Variants in NELFE observed in about 807,000 individuals in gnomAD.
NELFE encodes negative elongation factor complex member E, also known as negative elongation factor E.
A neutral mutation model predicts 55.5 loss-of-function variants in NELFE; 26 were observed. The ratio of observed to expected loss-of-function variants is 0.47; its 90% CI spans 0.34 to 0.65. The LOEUF is 0.65. Among genes scored for constraint, NELFE ranks in the 30% least tolerant of loss-of-function variants. NELFE has a pLI of 0.01. For synonymous variants in NELFE, 162 were observed against 178.0 expected (o/e 0.91, Z 0.72); for missense variants, 403 against 506.9 (o/e 0.80, Z 1.97).
rs1170914296 is a variant in NELFE at position 31,953,733 on chromosome 6, G to A, written c.1041C>T (p.Ser347=). 3 of 1,612,120 alleles carry A rather than the reference G, an allele frequency of 1.9e-6. No homozygotes were observed. The highest frequency in any genetic ancestry group is 2.5e-6 in the Non-Finnish European group (3 of 1,179,330). ...DAATGKSVWG[S]LAVQNSPKGC... is the part of the protein sequence containing the mutation. ...AAGGAAGAATCCCATTCTTACCGAG[G>A]GAGCCCCAGACAGACTTGCCAGTAG... Residue 347 remains serine, a synonymous_variant, in exon 10 of 11, where the codon TCC becomes TCT. Transcript: ENST00000375429.
chr6:31,958,821 A>C, intron 1 of NELFE, 71 bp downstream of exon 1: 1 of 662,644 alleles, frequency 1.5e-6, no homozygotes, highest in Non-Finnish European at 2.7e-6. Context: ...CCCGCAGAGC[A>C]ACGCAAAGAG....
intron 4 of NELFE, 123 bp from the exon 5 acceptor site, chr6:31,955,416 A>C: frequency 3.4e-6 from 2 of 594,812 alleles, no homozygotes; most frequent in Non-Finnish European, 5.6e-6. Context: ...TTTTAATTCT[A>C]CATACATTTC....
At chr6:31,953,644 C>T (rs891638186) in intron 10 of NELFE, 85 bp downstream of exon 10, 1 of 1,168,682 alleles carries the variant, frequency 8.6e-7, no homozygotes, top group Non-Finnish European at 1.3e-6. Context: ...CCTCGATCAT[C>T]TCTAGGAAAC....
rs1201743384 is a variant in NELFE, at chr6:31,952,272, A to G, written c.*29T>C. 6.3e-7 allele frequency: 1 copy of G among 1,576,654 alleles called. No individual in the cohort carries two copies. The highest frequency in any genetic ancestry group is 1.1e-5 in the South Asian group (1 of 89,726). On this transcript the variant is annotated 3_prime_UTR_variant, in exon 11 of 11. Transcript: ENST00000375429. The stretch of plus-strand genomic sequence containing the variant: ...TTTACTGAGACCAGCATTGGGGCAT[A>G]TGAGGCACAAGGAATCCAGCTCTGT...
intron 10 of NELFE, 31 bp from the exon 11 acceptor site, chr6:31,952,429 C>A: frequency 6.5e-7 from 1 of 1,527,520 alleles, no homozygotes; most frequent in Middle Eastern, 1.7e-4. Context: ...CAGTTAAGGT[C>A]TAAAGGAGAT....
intron 10 of NELFE, 62 bp downstream of exon 10, chr6:31,953,667 G>C (rs1481599054): frequency 4.3e-6 from 6 of 1,388,594 alleles, no homozygotes; most frequent in African/African-American, 1.4e-5. Context: ...AAGGATGTGT[G>C]GGGGAACCAA....
chr6:31,955,080 TG>T lies in NELFE; in HGVS notation c.382del (p.Gln128ArgfsTer19), dbSNP rs1562641177. On this transcript the variant is annotated frameshift_variant, in exon 6 of 11. Coordinates refer to ENST00000375429, the MANE Select transcript of NELFE (RefSeq NM_002904.6). LOFTEE classifies it high-confidence loss of function. ...DDLQESSRRPQRKSLYESFVS... is the reference protein window; with the variant it reads ...DDLQESSRRPXRKSLYESFVS... ...TAACCTCTCATACAGAGATTTCCTC[TG>T]GGGACGTCTGGATGACTGTAAAAGA... is the stretch of plus-strand genomic sequence containing the variant. The T allele has an allele frequency of 6.2e-7, 1 of 1,613,126 alleles. No homozygotes were observed. Among genetic ancestry groups the T allele is most frequent in the Non-Finnish European group, 8.5e-7 (1 of 1,180,018 alleles).
At position 31,954,255 on chromosome 6, in the gene NELFE, G is replaced by C. The variant is rs767395529; in HGVS notation, c.887+43C>G. On this transcript the variant is annotated intron_variant, in intron 8 of 10. Transcript: ENST00000375429. This position sits in a 1 kb window ranked among gnomAD's most constrained non-coding sequence, Gnocchi z 5.5. The stretch of plus-strand genomic sequence containing the variant: ...TCTTCCCTCAGGTCTCACACCCCAG[G>C]ATTCTCCCAGGACTTCTCATCATGC... 1.2e-5 allele frequency: 19 copies of C among 1,610,028 alleles called. No homozygotes were observed. In the Admixed American group the frequency reaches 3.0e-4, roughly 26 times the overall value.
At chr6:31,957,125 T>TACCACTCTGAG in intron 2 of NELFE, 115 bp from the exon 3 acceptor site, 3 of 889,786 alleles carry the variant, frequency 3.4e-6, no homozygotes, top group Non-Finnish European at 5.3e-6. Context: ...GCCCTCAGAG[T>TACCACTCTGAG]GGTACACTGA....
chr6:31,954,227 G>C lies in NELFE; in HGVS notation c.887+71C>G, dbSNP rs1365447087. On this transcript the variant is annotated intron_variant, in intron 8 of 10. Transcript: ENST00000375429. The surrounding 1 kb of genome is among the most constrained non-coding windows in gnomAD (Gnocchi z 5.5). Reference sequence around the variant, plus strand: ...ATAATAGGCGGCTGCAGGGAGGGCAGCTTCTTCCCTCAGGTCTCACACCCC... The same window carrying C: ...ATAATAGGCGGCTGCAGGGAGGGCACCTTCTTCCCTCAGGTCTCACACCCC... 35 of 1,609,592 alleles carry C rather than the reference G, an allele frequency of 2.2e-5. No individual in the cohort carries two copies. The highest frequency in any genetic ancestry group is 3.0e-5 in the Non-Finnish European group (35 of 1,176,610).
rs1322505039 is a variant in NELFE, at chr6:31,952,314, A to G, written c.1130T>C (p.Val377Ala). ...YSDDVYKENL[V>A]DGF The stretch of plus-strand genomic sequence containing the variant: ...CAGCTCTGTTCCCTAGAAGCCATCC[A>G]CAAGGTTTTCCTTGTAGACGTCATC... Residue 377 changes from valine to alanine, a missense_variant, in exon 11 of 11, where the codon GTG becomes GCG. Coordinates refer to ENST00000375429, the MANE Select transcript of NELFE (RefSeq NM_002904.6). 6.2e-7 allele frequency: 1 copy of G among 1,613,866 alleles called. No homozygotes were observed. Among genetic ancestry groups the G allele is most frequent in the Admixed American group, 1.7e-5 (1 of 59,998 alleles).
Position 31,957,004 on chromosome 6 carries a change from C to A in NELFE, c.82G>T (p.Ala28Ser). 5.0e-6 allele frequency: 8 copies of A among 1,598,602 alleles called. No individual in the cohort carries two copies. The highest frequency in any genetic ancestry group is 6.8e-6 in the Non-Finnish European group (8 of 1,168,234). The change falls in exon 3 of 11, where the codon GCA becomes TCA. Residue 28 changes from alanine (A) to serine (S), a missense_variant. This residue lies in a region of NELFE where 97 missense variants were observed against 155.3 expected (regional missense o/e 0.62). Transcript: ENST00000375429. ...CTTTGCTTCTTCAGAGCCAGCAATGCCTTTTTCTGGGAACAAGGGTGAGAA... is the reference window on the plus strand; with the variant it reads ...CTTTGCTTCTTCAGAGCCAGCAATGACTTTTTCTGGGAACAAGGGTGAGAA... ...KFNKLKKKKK[A>S]LLALKKQSSS...
At chr6:31,958,233 C>T in intron 2 of NELFE, 139 bp downstream of exon 2, 1 of 763,046 alleles carries the variant, frequency 1.3e-6, no homozygotes, top group Middle Eastern at 2.3e-4. Flanking sequence ...GAAAGCCCAC[C>T]TCTCGAAGCT....
In NELFE at chr6:31,958,911, G is replaced by A. The variant is rs879198291; in HGVS notation, c.-28C>T. The A allele has an allele frequency of 6.7e-6, 4 of 593,992 alleles. No homozygotes were observed. The highest frequency in any genetic ancestry group is 3.1e-5 in the Admixed American group (1 of 32,156). 36.8% of individuals were successfully genotyped at this position (593,992 alleles called of 1,614,324 possible). On this transcript the variant is annotated 5_prime_UTR_variant, in exon 1 of 11. Coordinates refer to ENST00000375429, the MANE Select transcript of NELFE (RefSeq NM_002904.6). Reference sequence around the variant, plus strand: ...CCTTACCCGAGGGGGCGGCAACCGGGGGCCCCACGGTCTCCGGCCGCGCCC... The same window carrying A: ...CCTTACCCGAGGGGGCGGCAACCGGAGGCCCCACGGTCTCCGGCCGCGCCC...
chr6:31,958,181 C>T (rs1772208174), intron 2 of NELFE, 191 bp downstream of exon 2: 2 of 614,568 alleles, frequency 3.3e-6, no homozygotes, highest in African/African-American at 1.8e-5. Flanking sequence ...CAATCCATGG[C>T]AAATTGCATA....
rs555469392 is a variant in NELFE at position 31,956,702 on chromosome 6, C to G, written c.282G>C (p.Gly94=). The part of the protein sequence containing the change: ...SGFKRSRTLE[G]KLKDPEKGPV... ...TTCTGCTTGTGCTCACCTTTAACTT[C>G]CCCTCAAGGGTTCGAGAACGCTTGA... is the stretch of plus-strand genomic sequence containing the variant. Residue 94 remains glycine (G), a synonymous_variant, in exon 4 of 11, where the codon GGG becomes GGC. Transcript: ENST00000375429. The G allele has an allele frequency of 3.1e-6, 5 of 1,604,278 alleles. No homozygotes were observed. Among genetic ancestry groups the G allele is most frequent in the Non-Finnish European group, 4.3e-6 (5 of 1,172,724 alleles).
chr6:31,958,248 T>A, intron 2 of NELFE, 124 bp downstream of exon 2: 1 of 855,804 alleles, frequency 1.2e-6, no homozygotes, highest in Admixed American at 1.7e-5. Flanking sequence ...GAAGCTACAC[T>A]GTGAGGTGAT....
At position 31,954,715 on chromosome 6, in the gene NELFE, C is replaced by A. The variant is rs1225393446; in HGVS notation, c.582G>T (p.Arg194Ser). 6.2e-7 allele frequency: 1 copy of A among 1,613,978 alleles called. No homozygotes were observed. The highest frequency in any genetic ancestry group is 1.7e-5 in the Admixed American group (1 of 60,030). Reference protein sequence around the residue: ...RSRSRDRSHERNRDRDRDRER... With the variant: ...RSRSRDRSHESNRDRDRDRER... ...CCCGATCTCGGTCTCTGTCCCGGTT[C>A]CTCTCATGGCTGCGGTCCCGGCTGC... Residue 194 changes from arginine (R) to serine (S), a missense_variant, in exon 7 of 11, where the codon AGG becomes AGT. Arg to Ser is a moderately radical substitution (Grantham distance 110). This residue lies in a region of NELFE where 229 missense variants were observed against 228.3 expected (regional missense o/e 1.00). Coordinates refer to ENST00000375429, the MANE Select transcript of NELFE (RefSeq NM_002904.6). The surrounding 1 kb of genome is among the most constrained non-coding windows in gnomAD (Gnocchi z 5.5).
intron 4 of NELFE, 130 bp downstream of exon 4, chr6:31,956,561 TTA>T: frequency 2.1e-6 from 2 of 973,850 alleles, no homozygotes; most frequent in Non-Finnish European, 3.0e-6. Flanking sequence ...TTTTTTCATT[TTA>T]TACATGAGAG....
Sources: allele counts gnomAD v4.1 joint callset, GRCh38; gene constraint gnomAD v4.1.1; regional missense constraint gnomAD v4.1.1; non-coding constraint Gnocchi (gnomAD v3.1); transcripts MANE v1.5; gene names NCBI Gene and HGNC (gene_info 2026-07-23, HGNC 2026-07-21).